Variants in SPOCK1 observed in about 807,000 individuals in gnomAD.
SPOCK1 encodes testican-1.
A neutral mutation model predicts 55.3 loss-of-function variants in SPOCK1; 23 were observed. That is an observed-to-expected ratio of 0.42 (90% CI 0.30 to 0.59). The LOEUF (loss-of-function observed/expected upper bound fraction) is 0.59. Ranked by LOEUF, SPOCK1 falls within the 20% of genes least tolerant of loss-of-function variation. The pLI, the probability that SPOCK1 is intolerant of heterozygous loss-of-function variation, is 0.22. For synonymous variants in SPOCK1, 226 were observed against 221.0 expected, an observed-to-expected ratio of 1.02 and a Z score of -0.20; for missense variants, 499 against 552.5, an observed-to-expected ratio of 0.90 and a Z score of 0.97.
chr5:137,348,733 G>C (rs1478293312), intron 2 of SPOCK1, among the ~76,000 whole-genome samples: 1 of 152,150 alleles, frequency 6.6e-6, no homozygotes, highest in Non-Finnish European at 1.5e-5. Context: ...GGGTAGTCCA[G>C]AGGCTCTGAA....
At chr5:137,366,827 GAGAGAA>G (rs1236959924) in intron 2 of SPOCK1, among the ~76,000 whole-genome samples, 1 of 152,202 alleles carries the variant, frequency 6.6e-6, no homozygotes, top group Non-Finnish European at 1.5e-5. Context: ...AAGAGAAGGT[GAGAGAA>G]AGAGAACAGG....
chr5:137,168,387 A>G (rs895368734), intron 3 of SPOCK1, among the ~76,000 whole-genome samples: 3 of 152,166 alleles, frequency 2.0e-5, no homozygotes, highest in African/African-American at 7.2e-5. Flanking sequence ...TGAACAGCAA[A>G]GAAAACTATC....
chr5:137,279,619 G>A (rs1230860074), intron 2 of SPOCK1, among the ~76,000 whole-genome samples: 2 of 152,218 alleles, frequency 1.3e-5, no homozygotes, highest in Admixed American at 6.5e-5. Context: ...GATGCTGGCA[G>A]CTCTACTCAG....
chr5:137,064,062 A>C (rs1752449221), intron 6 of SPOCK1, among the ~76,000 whole-genome samples: 2 of 152,152 alleles, frequency 1.3e-5, no homozygotes, highest in Admixed American at 1.3e-4. Context: ...ATTCACCGTG[A>C]CCTTAGTGGA....
intron 2 of SPOCK1, chr5:137,313,303 C>G (rs1757820213): frequency 3.8e-6 from 2 of 528,768 alleles, no homozygotes; most frequent in African/African-American, 4.1e-5. Flanking sequence ...TGATAGGACA[C>G]TACAATCATT....
At chr5:137,170,644 T>C (rs1290429096) in intron 3 of SPOCK1, among the ~76,000 whole-genome samples, 2 of 151,826 alleles carry the variant, frequency 1.3e-5, no homozygotes, top group Non-Finnish European at 2.9e-5. Context: ...CAGAAGGCCA[T>C]GTGTAAACAC....
At chr5:137,488,847 T>A (rs1754116293) in intron 2 of SPOCK1, among the ~76,000 whole-genome samples, 1 of 152,192 alleles carries the variant, frequency 6.6e-6, no homozygotes, top group Non-Finnish European at 1.5e-5. Context: ...TGGAGTGTGA[T>A]GTGTCCCAGA....
chr5:137,303,698 G>A (rs983716955), intron 2 of SPOCK1, among the ~76,000 whole-genome samples: 5 of 152,190 alleles, frequency 3.3e-5, no homozygotes, highest in African/African-American at 1.2e-4. Context: ...TTCAGGAGGA[G>A]GGGAGGTTTG....
At chr5:137,313,884 G>A (rs1757829260) in intron 2 of SPOCK1, among the ~76,000 whole-genome samples, 1 of 150,028 alleles carries the variant, frequency 6.7e-6, no homozygotes, top group African/African-American at 2.5e-5. Context: ...GCTTCCCACA[G>A]AAGAGAGCAG....
At chr5:137,015,895 G>A (rs1751440157) in intron 6 of SPOCK1, among the ~76,000 whole-genome samples, 1 of 152,196 alleles carries the variant, frequency 6.6e-6, no homozygotes, top group Admixed American at 6.5e-5. Flanking sequence ...CTAAGCACGT[G>A]ACAATGAGCC....
In SPOCK1 at chr5:137,065,361, C is replaced by T. The variant is rs185901511; in HGVS notation, c.589+2354G>A. Among the ~76,000 whole-genome samples the T allele has an allele frequency of 1.3e-3, 195 of 152,290 alleles. 2 individuals carry two copies. Among genetic ancestry groups the T allele is most frequent in the African/African-American group, 4.2e-3 (175 of 41,556 alleles). ...CACCAACAGGTAGCTTCTGCTTCCCCTCATGCTTACGTGAAAACTTTGCTG... is the reference window on the plus strand; with the variant it reads ...CACCAACAGGTAGCTTCTGCTTCCCTTCATGCTTACGTGAAAACTTTGCTG... On this transcript the variant is annotated intron_variant, in intron 6 of 10. Transcript: ENST00000394945.
intron 3 of SPOCK1, among the ~76,000 whole-genome samples, chr5:137,189,308 G>A (rs908730602): frequency 2.6e-5 from 4 of 152,308 alleles, no homozygotes; most frequent in African/African-American, 7.2e-5. Flanking sequence ...TCAATGCCTG[G>A]CTTCCAAGCT....
intron 2 of SPOCK1, among the ~76,000 whole-genome samples, chr5:137,407,157 A>G (rs1269709815): frequency 1.3e-5 from 2 of 152,366 alleles, no homozygotes; most frequent in South Asian, 4.1e-4. Context: ...ACATAATTTC[A>G]TGGTCTGGAA....
At chr5:137,427,513 C>T (rs1318432996) in intron 2 of SPOCK1, among the ~76,000 whole-genome samples, 1 of 152,184 alleles carries the variant, frequency 6.6e-6, no homozygotes, top group African/African-American at 2.4e-5. Context: ...CATCCAGAAT[C>T]CCCCATGGAG....
At chr5:137,497,009 TAAACC>T (rs1379604103) in intron 2 of SPOCK1, among the ~76,000 whole-genome samples, 1 of 151,600 alleles carries the variant, frequency 6.6e-6, no homozygotes, top group Non-Finnish European at 1.5e-5. Context: ...AGGAGAGTGA[TAAACC>T]CCCACACAAA....
chr5:137,409,102 T>C (rs1752158802), intron 2 of SPOCK1, among the ~76,000 whole-genome samples: 1 of 152,080 alleles, frequency 6.6e-6, no homozygotes, highest in Non-Finnish European at 1.5e-5. Context: ...CAGTCCCCCA[T>C]ACAATCTCCA....
At chr5:137,449,886 C>CAAAAAAAAAAAAAAAAAAAA (rs562723108) in intron 2 of SPOCK1, among the ~76,000 whole-genome samples, 26 of 52,908 alleles carry the variant, frequency 4.9e-4, no homozygotes, top group Admixed American at 8.6e-4. Context: ...GATGCTGTCT[C>CAAAAAAAAAAAAAAAAAAAA]AAAAAAAAAA....
chr5:137,415,892 C>A (rs977409627), intron 2 of SPOCK1, among the ~76,000 whole-genome samples: 4 of 152,100 alleles, frequency 2.6e-5, no homozygotes. Flanking sequence ...GCTCAAGTCA[C>A]CTTGTTAGTT....
chr5:137,003,429 A>G (rs190301660), intron 6 of SPOCK1, among the ~76,000 whole-genome samples: 46 of 152,296 alleles, frequency 3.0e-4, no homozygotes, highest in Non-Finnish European at 4.9e-4. Flanking sequence ...TTGTATAAAT[A>G]TGTATATTTG....
Sources: allele counts gnomAD v4.1 joint callset (sites outside exome capture counted in the v4.1 genomes callset), GRCh38; gene constraint gnomAD v4.1.1; transcripts MANE v1.5; gene names NCBI Gene and HGNC (gene_info 2026-07-23, HGNC 2026-07-21).